The following CAMK2D variants were observed in gnomAD, a reference collection of about 807,000 sequenced individuals.
CAMK2D encodes calcium/calmodulin-dependent protein kinase type II subunit delta.
CAMK2D carries 37 observed loss-of-function variants against 84.0 expected under a neutral mutation model. The ratio of observed to expected loss-of-function variants is 0.44; its 90% CI spans 0.34 to 0.58. The LOEUF (loss-of-function observed/expected upper bound fraction) is 0.58, where lower values mean the gene tolerates loss of function less well. CAMK2D is among the 20% of genes least tolerant of loss of function. CAMK2D has a pLI of 0.02. For missense variants in CAMK2D, 448 were observed against 652.5 expected, an observed-to-expected ratio of 0.69 and a Z score of 3.41; for synonymous variants, 202 against 212.5, an observed-to-expected ratio of 0.95 and a Z score of 0.43.
At chr4:113,663,445 CG>C (rs1235733197) in intron 2 of CAMK2D, among the ~76,000 whole-genome samples, 1 of 151,836 alleles carries the variant, frequency 6.6e-6, no homozygotes, top group East Asian at 1.9e-4. Flanking sequence ...AAAAATTAGC[CG>C]GGTGTGGTGG....
chr4:113,589,707 T>C (rs1022868158), intron 4 of CAMK2D, among the ~76,000 whole-genome samples: 4 of 152,090 alleles, frequency 2.6e-5, no homozygotes, highest in African/African-American at 7.2e-5. Context: ...CAAGTAGAGA[T>C]AGTGAGTAGG....
At chr4:113,694,537 T>G (rs1430936803) in intron 2 of CAMK2D, among the ~76,000 whole-genome samples, 1 of 152,130 alleles carries the variant, frequency 6.6e-6, no homozygotes, top group East Asian at 1.9e-4. Flanking sequence ...GTTCACTAAC[T>G]TTAGTGAGAA....
rs537508998 is a variant in CAMK2D, at chr4:113,581,792, T to C, written c.275+27360A>G. 3.3e-5 allele frequency among the ~76,000 whole-genome samples: 5 copies of C among 152,276 alleles called. No individual in the cohort carries two copies. The South Asian group carries it at 6.2e-4, about 19-fold the overall frequency. ...TTGGGATTAAGAACATTAAATGTCA[T>C]TGGGTAATTTTCCTGTCTTTTCATG... On this transcript the variant is annotated intron_variant, in intron 4 of 20. Coordinates refer to ENST00000511664, the MANE Select transcript of CAMK2D (RefSeq NM_001321571.2).
Position 113,544,038 on chromosome 4 carries a change from G to A in CAMK2D, c.414+3606C>T, listed in dbSNP as rs935293217. On this transcript the variant is annotated intron_variant, in intron 6 of 20. Transcript: ENST00000511664. ...GATCTCCTGACCTCATGATCCACCCGCCTTAAGCACCCAATACTAATTGTC... is the reference window on the plus strand; with the variant it reads ...GATCTCCTGACCTCATGATCCACCCACCTTAAGCACCCAATACTAATTGTC... 3.9e-5 allele frequency among the ~76,000 whole-genome samples: 6 copies of A among 152,078 alleles called. No homozygotes were observed. The East Asian group carries it at 5.8e-4, about 15-fold the overall frequency.
intron 4 of CAMK2D, among the ~76,000 whole-genome samples, chr4:113,557,360 A>G (rs771179182): frequency 2.0e-5 from 3 of 152,018 alleles, no homozygotes; most frequent in Admixed American, 1.3e-4. Context: ...TTTGTATCCC[A>G]CCTATCTTCC....
chr4:113,753,500 T>C (rs1381527153), intron 2 of CAMK2D, among the ~76,000 whole-genome samples: 2 of 151,902 alleles, frequency 1.3e-5, no homozygotes, highest in East Asian at 3.9e-4. Flanking sequence ...CTGCCCTCTC[T>C]CCTCTTCAAA....
chr4:113,687,658 C>G (rs994794), intron 2 of CAMK2D, among the ~76,000 whole-genome samples: 10,861 of 152,246 alleles, frequency 0.071, 490 homozygotes, highest in African/African-American at 0.13. Flanking sequence ...TCTGGCACAT[C>G]CTTCATATGA....
At chr4:113,719,048 CAAAGT>C (rs757553227) in intron 2 of CAMK2D, among the ~76,000 whole-genome samples, 52 of 152,118 alleles carry the variant, frequency 3.4e-4, no homozygotes, top group Non-Finnish European at 1.3e-4. Flanking sequence ...GGAGTGATAA[CAAAGT>C]AAATTCAAGA....
At chr4:113,631,558 A>G (rs1161720216) in intron 3 of CAMK2D, among the ~76,000 whole-genome samples, 1 of 152,120 alleles carries the variant, frequency 6.6e-6, no homozygotes, top group African/African-American at 2.4e-5. Context: ...TCTGGAACAC[A>G]TCGGCTCCTC....
intron 2 of CAMK2D, among the ~76,000 whole-genome samples, chr4:113,697,018 C>G (rs2099404938): frequency 6.6e-6 from 1 of 152,078 alleles, no homozygotes; most frequent in Non-Finnish European, 1.5e-5. Flanking sequence ...CACAATGTCC[C>G]TCAATGTCCA....
intron 3 of CAMK2D, among the ~76,000 whole-genome samples, chr4:113,631,114 A>G (rs1221709509): frequency 6.6e-6 from 1 of 152,170 alleles, no homozygotes; most frequent in African/African-American, 2.4e-5. Context: ...CAGAGCCACA[A>G]ATTGGTATTC....
chr4:113,665,806 G>C (rs1215707547), intron 2 of CAMK2D, among the ~76,000 whole-genome samples: 1 of 152,140 alleles, frequency 6.6e-6, no homozygotes, highest in East Asian at 1.9e-4. Flanking sequence ...GGTACAAACT[G>C]TTAGTAATAT....
intron 10 of CAMK2D, 49 bp from the exon 11 acceptor site, chr4:113,513,962 A>T: frequency 2.4e-6 from 2 of 832,806 alleles, no homozygotes; most frequent in Non-Finnish European, 4.0e-6. Context: ...TTTAAAACAC[A>T]CTAAGTATAA....
intron 2 of CAMK2D, among the ~76,000 whole-genome samples, chr4:113,667,040 A>G (rs1051881551): frequency 1.3e-5 from 2 of 152,232 alleles, no homozygotes; most frequent in Non-Finnish European, 2.9e-5. Context: ...CATTTCCAAG[A>G]AACTACAGCC....
chr4:113,761,601 C>T lies in CAMK2D; in HGVS notation c.-533G>A, dbSNP rs190391770. 1,530 of 985,078 alleles carry T rather than the reference C, an allele frequency of 1.6e-3. 23 individuals carry two copies. The African/African-American group carries it at 0.024, about 16-fold the overall frequency. 61.0% of individuals were successfully genotyped at this position (985,078 alleles called of 1,614,324 possible). A position where few individuals can be genotyped will look rare whatever the true frequency, so the allele number is the denominator to read the frequency against. ...CAGCAGGCTCAGGCGCGGGGCGCGCCGGGGCTCCGACGAGCGTGCGCGCCC... is the reference window on the plus strand; with the variant it reads ...CAGCAGGCTCAGGCGCGGGGCGCGCTGGGGCTCCGACGAGCGTGCGCGCCC... On this transcript the variant is annotated 5_prime_UTR_variant, in exon 1 of 21. Coordinates refer to ENST00000511664, the MANE Select transcript of CAMK2D (RefSeq NM_001321571.2).
intron 2 of CAMK2D, among the ~76,000 whole-genome samples, chr4:113,742,241 GAAAC>G (rs1562170396): frequency 6.6e-6 from 1 of 152,124 alleles, no homozygotes; most frequent in Non-Finnish European, 1.5e-5. Context: ...GGGAACCAGA[GAAAC>G]AAAGTCCAAG....
chr4:113,610,258 A>T (rs2098994537), intron 3 of CAMK2D, among the ~76,000 whole-genome samples: 1 of 152,058 alleles, frequency 6.6e-6, no homozygotes, highest in African/African-American at 2.4e-5. Flanking sequence ...TATCCAAATC[A>T]CTTGAAGTGG....
At chr4:113,532,166 A>G (rs1206901587) in intron 7 of CAMK2D, among the ~76,000 whole-genome samples, 1 of 152,242 alleles carries the variant, frequency 6.6e-6, no homozygotes, top group African/African-American at 2.4e-5. Flanking sequence ...TGACAAATTT[A>G]TACTTATTAA....
At chr4:113,606,191 C>T (rs2098976140) in intron 4 of CAMK2D, among the ~76,000 whole-genome samples, 1 of 152,092 alleles carries the variant, frequency 6.6e-6, no homozygotes, top group Non-Finnish European at 1.5e-5. Flanking sequence ...AATGGATGGG[C>T]CAGGCACAGT....
Sources: gnomAD v4.1 joint callset for allele counts (sites outside exome capture counted in the v4.1 genomes callset) on GRCh38, gnomAD v4.1.1 for gene constraint, MANE v1.5 for transcripts, NCBI Gene and HGNC (gene_info 2026-07-23, HGNC 2026-07-21) for gene names.